The following TRPC5OS variants were observed in gnomAD, a reference collection of about 807,000 sequenced individuals.
TRPC5OS encodes the protein putative uncharacterized protein TRPC5OS.
For synonymous variants in TRPC5OS, 30 were observed against 29.3 expected, an observed-to-expected ratio of 1.02 and a Z score of -0.08; for missense variants, 64 against 79.3, an observed-to-expected ratio of 0.81 and a Z score of 0.73.
At chrX:111,893,760 G>A (rs1196199852) in intron 1 of TRPC5OS, among the ~76,000 whole-genome samples, 9 of 112,008 alleles carry the variant, frequency 8.0e-5, no homozygotes, top group African/African-American at 2.9e-4. Flanking sequence ...GATGCTTCAT[G>A]GGGATTTTTA....
At chrX:111,885,557 TA>T (rs77870285) in intron 1 of TRPC5OS, among the ~76,000 whole-genome samples, 4 of 106,225 alleles carry the variant, frequency 3.8e-5, no homozygotes, top group African/African-American at 1.4e-4. Context: ...TTTTTTTTTT[TA>T]AAAAAAGAAA....
chrX:111,889,650 G>T (rs1310895777), intron 1 of TRPC5OS, among the ~76,000 whole-genome samples: 1 of 111,695 alleles, frequency 9.0e-6, no homozygotes, highest in Non-Finnish European at 1.9e-5. Flanking sequence ...AACTTTGGGA[G>T]GTAGAGGTAT....
chrX:111,892,358 A>G (rs751738902), intron 1 of TRPC5OS, among the ~76,000 whole-genome samples: 5 of 112,327 alleles, frequency 4.5e-5, no homozygotes, highest in Non-Finnish European at 9.4e-5. Flanking sequence ...TCTTGTCTCA[A>G]TGACCTTGCC....
Position 111,901,871 on chromosome X carries a change from G to A in TRPC5OS, c.22G>A (p.Val8Ile), listed in dbSNP as rs193256593. The A allele has an allele frequency of 4.4e-6, 5 of 1,144,129 alleles. No homozygotes were observed. In the East Asian group the frequency reaches 1.3e-4, roughly 30 times the overall value. 94.3% of individuals were successfully genotyped at this position (1,144,129 alleles called of 1,213,427 possible). A position where few individuals can be genotyped will look rare whatever the true frequency, so the allele number is the denominator to read the frequency against. The change falls in exon 4 of 4, where the codon GTA becomes ATA. Residue 8 changes from valine (V) to isoleucine (I), a missense_variant. Val to Ile is a conservative substitution (Grantham distance 29). Transcript: ENST00000635763. MDSVLIH[V>I]LIDGLVACVA... ...CAGCATGGATTCTGTGTTAATTCAT[G>A]TACTCATTGATGGACTTGTTGCTTG... is the stretch of plus-strand genomic sequence containing the variant.
chrX:111,897,539 A>G (rs1280956110), intron 3 of TRPC5OS, among the ~76,000 whole-genome samples: 1 of 111,457 alleles, frequency 9.0e-6, no homozygotes, highest in Non-Finnish European at 1.9e-5. Flanking sequence ...CTTCCCAATC[A>G]GTTCCTACTC....
chrX:111,886,110 T>C (rs1924479871), intron 1 of TRPC5OS, among the ~76,000 whole-genome samples: 1 of 111,346 alleles, frequency 9.0e-6, no homozygotes, highest in African/African-American at 3.3e-5. Flanking sequence ...TGACACCCTG[T>C]CTCTACTAAA....
chrX:111,888,131 A>T (rs1301376191), intron 1 of TRPC5OS, among the ~76,000 whole-genome samples: 1 of 111,582 alleles, frequency 9.0e-6, no homozygotes, highest in Non-Finnish European at 1.9e-5. Context: ...CAGGCAGAAT[A>T]GCCAGTATAA....
At chrX:111,897,382 T>A (rs1925118189) in intron 3 of TRPC5OS, among the ~76,000 whole-genome samples, 1 of 111,162 alleles carries the variant, frequency 9.0e-6, no homozygotes, top group African/African-American at 3.3e-5. Context: ...GGTTACTTTT[T>A]TGAGGGGAGT....
At chrX:111,889,321 G>A (rs753030631) in intron 1 of TRPC5OS, among the ~76,000 whole-genome samples, 1 of 112,032 alleles carries the variant, frequency 8.9e-6, no homozygotes, top group East Asian at 2.8e-4. Context: ...ATAATTAAAA[G>A]TGTGTTTCAG....
intron 1 of TRPC5OS, among the ~76,000 whole-genome samples, chrX:111,890,251 C>T (rs1924736332): frequency 8.9e-6 from 1 of 112,229 alleles, no homozygotes; most frequent in African/African-American, 3.2e-5. Context: ...GCTTGTCCAA[C>T]CTGTGGCCCA....
At position 111,883,271 on chromosome X, in the gene TRPC5OS, C is replaced by T. The variant is rs187284354; in HGVS notation, c.-546+6998C>T. Among the ~76,000 whole-genome samples the T allele has an allele frequency of 5.2e-3, 584 of 111,878 alleles. 1 individual carries two copies. The highest frequency in any genetic ancestry group is 7.3e-3 in the African/African-American group (226 of 30,846). ...CCTAGGCAAGGCCTAAGCCTAATTT[C>T]GGTCTAGTCAGAGCCTAGTTAAGTT... On this transcript the variant is annotated intron_variant, in intron 1 of 3. Coordinates refer to ENST00000635763, the MANE Select transcript of TRPC5OS (RefSeq NM_001195578.2).
intron 1 of TRPC5OS, among the ~76,000 whole-genome samples, chrX:111,886,074 G>A (rs1924478653): frequency 8.9e-6 from 1 of 111,748 alleles, no homozygotes; most frequent in African/African-American, 3.3e-5. Context: ...CAGGTCAGGG[G>A]TTCGAGAAAA....
At chrX:111,883,812 G>T (rs1378106419) in intron 1 of TRPC5OS, among the ~76,000 whole-genome samples, 1 of 112,800 alleles carries the variant, frequency 8.9e-6, no homozygotes, top group Non-Finnish European at 1.9e-5. Flanking sequence ...TTATGTTGTA[G>T]TCCTAGTCTA....
At chrX:111,877,362 T>C (rs1233234891) in intron 1 of TRPC5OS, among the ~76,000 whole-genome samples, 2 of 111,454 alleles carry the variant, frequency 1.8e-5, no homozygotes, top group African/African-American at 6.5e-5. Flanking sequence ...TGAGGAAGAA[T>C]GGGTTTGGAA....
At chrX:111,898,514 G>T (rs2148612385) in intron 3 of TRPC5OS, among the ~76,000 whole-genome samples, 1 of 109,008 alleles carries the variant, frequency 9.2e-6, no homozygotes, top group African/African-American at 3.3e-5. Flanking sequence ...GCTGAAAGTT[G>T]TTCCTCCCTC....
intron 1 of TRPC5OS, among the ~76,000 whole-genome samples, chrX:111,894,209 G>T (rs1486022704): frequency 4.5e-5 from 5 of 111,486 alleles, no homozygotes; most frequent in Non-Finnish European, 3.8e-5. Context: ...CTAATACAAA[G>T]AAGCTTATCA....
At chrX:111,897,480 G>A (rs1468391001) in intron 3 of TRPC5OS, among the ~76,000 whole-genome samples, 1 of 110,841 alleles carries the variant, frequency 9.0e-6, no homozygotes, top group Non-Finnish European at 1.9e-5. Flanking sequence ...ACCCACAACC[G>A]TACCTAAACA....
chrX:111,884,117 G>A (rs193097065), intron 1 of TRPC5OS, among the ~76,000 whole-genome samples: 216 of 112,570 alleles, frequency 1.9e-3, no homozygotes, highest in African/African-American at 6.7e-3. Flanking sequence ...ACTAGTTAAG[G>A]TATAGCCAGG....
At chrX:111,898,351 A>G (rs1336587990) in intron 3 of TRPC5OS, among the ~76,000 whole-genome samples, 3 of 106,474 alleles carry the variant, frequency 2.8e-5, no homozygotes, top group African/African-American at 1.0e-4. Context: ...TTGAAAGTTC[A>G]TTGTCAGATA....
Sources: gnomAD v4.1 joint callset for allele counts (sites outside exome capture counted in the v4.1 genomes callset) on GRCh38, gnomAD v4.1.1 for gene constraint, MANE v1.5 for transcripts, NCBI Gene and HGNC (gene_info 2026-07-23, HGNC 2026-07-21) for gene names.